SLC27A6: variants seen among roughly 807,000 people sequenced by gnomAD.
SLC27A6 encodes solute carrier family 27 member 6, also known as long-chain fatty acid transport protein 6.
SLC27A6 carries 74 observed loss-of-function variants against 63.9 expected under a neutral mutation model. That is an observed-to-expected ratio of 1.16 (90% CI 0.96 to 1.40). The LOEUF (loss-of-function observed/expected upper bound fraction) is 1.40, where lower values mean the gene tolerates loss of function less well. Ranked by LOEUF, SLC27A6 falls within the 40% of genes most tolerant of loss-of-function variation. The pLI, the probability that SLC27A6 is intolerant of heterozygous loss-of-function variation, is 0.00. For synonymous variants in SLC27A6, 287 were observed against 260.8 expected (o/e 1.10, Z -0.97); for missense variants, 794 against 732.9 (o/e 1.08, Z -0.96).
At chr5:129,018,235 A>C (rs1362071528) in intron 5 of SLC27A6, among the ~76,000 whole-genome samples, 1 of 151,996 alleles carries the variant, frequency 6.6e-6, no homozygotes, top group Non-Finnish European at 1.5e-5. Flanking sequence ...TTCATCCCTA[A>C]CTGCTTTAGT....
intron 9 of SLC27A6, among the ~76,000 whole-genome samples, chr5:129,030,039 G>T (rs1752367221): frequency 1.3e-5 from 2 of 152,088 alleles, no homozygotes; most frequent in Non-Finnish European, 2.9e-5. Flanking sequence ...TATGTGCCTA[G>T]AATTGGGTTC....
chr5:129,005,090 T>C (rs1163642823), intron 4 of SLC27A6, among the ~76,000 whole-genome samples: 1 of 152,162 alleles, frequency 6.6e-6, no homozygotes, highest in Non-Finnish European at 1.5e-5. Context: ...TGCCCTCCAC[T>C]GGCTTCCAGT....
At chr5:128,971,978 C>T (rs1365020715) in intron 1 of SLC27A6, among the ~76,000 whole-genome samples, 1 of 152,104 alleles carries the variant, frequency 6.6e-6, no homozygotes, top group Non-Finnish European at 1.5e-5. Context: ...AATCTCTCAG[C>T]ATTTGCTTGT....
intron 4 of SLC27A6, among the ~76,000 whole-genome samples, chr5:129,009,379 A>G (rs1164402903): frequency 6.6e-6 from 1 of 152,058 alleles, no homozygotes; most frequent in Admixed American, 6.6e-5. Flanking sequence ...ACTGTCGTCT[A>G]CCTGGCTTCC....
chr5:129,029,795 T>A (rs1311018877), intron 9 of SLC27A6, 88 bp downstream of exon 9: 4 of 1,229,178 alleles, frequency 3.3e-6, no homozygotes, highest in Non-Finnish European at 4.6e-6. Context: ...ATCCTTTAGA[T>A]AACATGTGAG....
chr5:128,977,163 A>T (rs994931724), intron 1 of SLC27A6, among the ~76,000 whole-genome samples: 3 of 152,246 alleles, frequency 2.0e-5, no homozygotes, highest in Non-Finnish European at 4.4e-5. Context: ...TGTGTATCAT[A>T]GTTTTTATTA....
intron 2 of SLC27A6, among the ~76,000 whole-genome samples, 161 bp downstream of exon 2, chr5:128,985,497 A>G (rs1010122990): frequency 6.6e-6 from 1 of 152,216 alleles, no homozygotes; most frequent in African/African-American, 2.4e-5. Context: ...ACTTGGATGG[A>G]AAGTTAATTA....
intron 3 of SLC27A6, 71 bp from the exon 4 acceptor site, chr5:128,990,269 T>A: frequency 6.9e-7 from 1 of 1,451,160 alleles, no homozygotes; most frequent in Non-Finnish European, 9.5e-7. Flanking sequence ...CAGAGAAACA[T>A]CATTCATGTT....
chr5:128,985,998 A>G (rs989049883), intron 2 of SLC27A6, among the ~76,000 whole-genome samples: 8 of 152,196 alleles, frequency 5.3e-5, no homozygotes, highest in Non-Finnish European at 8.8e-5. Flanking sequence ...AGCAATAACA[A>G]TAATAAAACT....
At chr5:128,990,609 T>C in intron 4 of SLC27A6, 145 bp downstream of exon 4, 2 of 835,614 alleles carry the variant, frequency 2.4e-6, no homozygotes, top group Non-Finnish European at 3.6e-6. Context: ...TGGCAGGTGC[T>C]ACCTAGATGG....
chr5:128,971,580 C>T (rs1255062176), intron 1 of SLC27A6, among the ~76,000 whole-genome samples: 1 of 137,442 alleles, frequency 7.3e-6, no homozygotes, highest in Admixed American at 7.1e-5. Flanking sequence ...GATTGCAACC[C>T]CTGCTTTTTG....
intron 4 of SLC27A6, among the ~76,000 whole-genome samples, chr5:129,010,363 G>A (rs1047004226): frequency 2.6e-5 from 4 of 152,162 alleles, no homozygotes; most frequent in South Asian, 4.1e-4. Flanking sequence ...CCTGGAATGC[G>A]TGAATATGTG....
intron 4 of SLC27A6, among the ~76,000 whole-genome samples, chr5:129,006,284 G>A (rs1354611721): frequency 6.6e-6 from 1 of 151,312 alleles, no homozygotes. Flanking sequence ...TAGAGACGGG[G>A]TTTCACCGTG....
chr5:128,993,018 C>A (rs533146039), intron 4 of SLC27A6, among the ~76,000 whole-genome samples: 1 of 152,318 alleles, frequency 6.6e-6, no homozygotes, highest in African/African-American at 2.4e-5. Flanking sequence ...CATTTAGTAT[C>A]TTCATGCAAT....
intron 4 of SLC27A6, among the ~76,000 whole-genome samples, chr5:128,998,857 A>G (rs1167662289): frequency 6.6e-6 from 1 of 152,236 alleles, no homozygotes; most frequent in Non-Finnish European, 1.5e-5. Flanking sequence ...AGAATATTCA[A>G]CAAATGATAA....
At chr5:128,987,405 C>T (rs1750825571) in intron 2 of SLC27A6, among the ~76,000 whole-genome samples, 1 of 151,934 alleles carries the variant, frequency 6.6e-6, no homozygotes, top group Non-Finnish European at 1.5e-5. Context: ...TTTGTGTCTG[C>T]ACTTTTAAAT....
chr5:129,010,198 C>T lies in SLC27A6; in HGVS notation c.970-5687C>T, dbSNP rs200798627. Among the ~76,000 whole-genome samples, 3 of 152,220 alleles carry T rather than the reference C, an allele frequency of 2.0e-5. No individual in the cohort carries two copies. In the East Asian group the frequency reaches 5.8e-4, roughly 29 times the overall value. ...TTCTTTTGACCTTGCTTCTTTGACT[C>T]AGTCAGCACTATGTCAATGAGATTC... On this transcript the variant is annotated intron_variant, in intron 4 of 9. Transcript: ENST00000262462.
rs1241752843 is a variant in SLC27A6 at position 129,027,189 on chromosome 5, G to A, written c.1312G>A (p.Ala438Thr). Residue 438 changes from alanine to threonine, a missense_variant, in exon 7 of 10, where the codon GCT becomes ACT. Transcript: ENST00000262462. ...VNAKNPFFGY[A>T]GPYKHTKDKL... ...TGCAAAAAATCCCTTCTTTGGCTAT[G>A]CTGGGCCTTATAAGCACACAAAAGA... is the stretch of plus-strand genomic sequence containing the variant. The A allele has an allele frequency of 1.2e-6, 2 of 1,613,496 alleles. No individual in the cohort carries two copies. Among genetic ancestry groups the A allele is most frequent in the Non-Finnish European group, 1.7e-6 (2 of 1,179,582 alleles).
intron 4 of SLC27A6, among the ~76,000 whole-genome samples, chr5:128,996,488 G>A (rs12173234): frequency 0.23 from 35,005 of 151,990 alleles, 5,146 homozygotes; most frequent in East Asian, 0.7. Flanking sequence ...TATTCATTAA[G>A]TATTTTTATT....
Sources: gnomAD v4.1 joint callset for allele counts (sites outside exome capture counted in the v4.1 genomes callset) on GRCh38, gnomAD v4.1.1 for gene constraint, MANE v1.5 for transcripts, NCBI Gene and HGNC (gene_info 2026-07-23, HGNC 2026-07-21) for gene names.